CTNNA3: variants seen among roughly 807,000 people sequenced by gnomAD.
The protein encoded by CTNNA3 is catenin alpha-3.
CTNNA3 carries 76 observed loss-of-function variants against 95.7 expected under a neutral mutation model. The ratio of observed to expected loss-of-function variants is 0.79; its 90% CI spans 0.66 to 0.96. CTNNA3 has a LOEUF of 0.96. Ranked by LOEUF, CTNNA3 falls within the 40% of genes least tolerant of loss-of-function variation. The pLI is 0.00. For synonymous variants in CTNNA3, 431 were observed against 374.4 expected (o/e 1.15, Z -1.74); for missense variants, 1,191 against 1,089.8 (o/e 1.09, Z -1.31).
At chr10:67,308,999 G>T (rs1366606753) in intron 5 of CTNNA3, among the ~76,000 whole-genome samples, 1 of 152,000 alleles carries the variant, frequency 6.6e-6, no homozygotes, top group African/African-American at 2.4e-5. Context: ...TCTTTGAAAG[G>T]TGCTCATATA....
chr10:67,373,628 T>C (rs548446568), intron 5 of CTNNA3, among the ~76,000 whole-genome samples: 1 of 152,200 alleles, frequency 6.6e-6, no homozygotes, highest in Non-Finnish European at 1.5e-5. Context: ...AGATCTCCAC[T>C]TGTTAAGTGA....
intron 5 of CTNNA3, among the ~76,000 whole-genome samples, chr10:67,387,761 T>A (rs1305830894): frequency 6.6e-6 from 1 of 152,188 alleles, no homozygotes; most frequent in Non-Finnish European, 1.5e-5. Flanking sequence ...CCCTGACCTC[T>A]GAGCAGCCTA....
intron 7 of CTNNA3, among the ~76,000 whole-genome samples, chr10:66,904,169 C>T (rs1327826197): frequency 1.3e-5 from 2 of 152,140 alleles, no homozygotes; most frequent in African/African-American, 2.4e-5. Flanking sequence ...GGTACCAAAA[C>T]AGATATATAG....
chr10:66,774,317 T>C (rs1431985724), intron 8 of CTNNA3, among the ~76,000 whole-genome samples: 8 of 152,128 alleles, frequency 5.3e-5, no homozygotes, highest in African/African-American at 9.7e-5. Context: ...GATATAAATT[T>C]CTGAGTCCTG....
At chr10:66,716,876 G>T (rs920714689) in intron 9 of CTNNA3, among the ~76,000 whole-genome samples, 1 of 152,146 alleles carries the variant, frequency 6.6e-6, no homozygotes, top group South Asian at 2.1e-4. Flanking sequence ...TTGGTGCCTA[G>T]CTATCTGGTC....
intron 5 of CTNNA3, among the ~76,000 whole-genome samples, chr10:67,344,640 T>C (rs1842345535): frequency 6.6e-6 from 1 of 152,136 alleles, no homozygotes; most frequent in Admixed American, 6.5e-5. Context: ...AGCTTATAGT[T>C]GCTCATAGTA....
At chr10:66,747,678 A>G (rs1838941721) in intron 9 of CTNNA3, among the ~76,000 whole-genome samples, 1 of 152,140 alleles carries the variant, frequency 6.6e-6, no homozygotes, top group Non-Finnish European at 1.5e-5. Context: ...TGGTTTTCAT[A>G]TACTGGGGGA....
intron 10 of CTNNA3, among the ~76,000 whole-genome samples, chr10:66,610,335 A>T (rs1454447130): frequency 6.6e-6 from 1 of 152,124 alleles, no homozygotes; most frequent in Non-Finnish European, 1.5e-5. Flanking sequence ...TGAACTTAAA[A>T]GTTTTTTTAA....
chr10:66,360,828 T>C (rs995461297), intron 12 of CTNNA3, among the ~76,000 whole-genome samples: 1,759 of 80,270 alleles, frequency 0.022, 169 homozygotes, highest in African/African-American at 0.11. Context: ...TTTCTTTCTT[T>C]CTTTCTTTCT....
chr10:66,384,351 G>T (rs1346340293), intron 11 of CTNNA3, among the ~76,000 whole-genome samples: 1 of 152,030 alleles, frequency 6.6e-6, no homozygotes, highest in Non-Finnish European at 1.5e-5. Context: ...AGATAAAGAA[G>T]GCCATTACAT....
At chr10:66,651,149 CAA>C (rs1227755358) in intron 9 of CTNNA3, among the ~76,000 whole-genome samples, 2 of 152,092 alleles carry the variant, frequency 1.3e-5, no homozygotes, top group Non-Finnish European at 2.9e-5. Context: ...GTGAGCTAGA[CAA>C]AGAGTGCTGA....
At chr10:67,183,378 T>C (rs901652377) in intron 6 of CTNNA3, among the ~76,000 whole-genome samples, 2 of 152,174 alleles carry the variant, frequency 1.3e-5, no homozygotes, top group African/African-American at 4.8e-5. Context: ...GATGAGTTCA[T>C]GTCCTTTGTA....
chr10:67,212,436 C>T (rs1002631506), intron 6 of CTNNA3, among the ~76,000 whole-genome samples: 3 of 151,866 alleles, frequency 2.0e-5, no homozygotes, highest in African/African-American at 7.2e-5. Context: ...AATTCTTATA[C>T]GGCTTGCTCT....
intron 5 of CTNNA3, among the ~76,000 whole-genome samples, chr10:67,397,217 C>T (rs1393050857): frequency 2.0e-5 from 3 of 152,104 alleles, no homozygotes; most frequent in Non-Finnish European, 4.4e-5. Flanking sequence ...ACTAGGAGAG[C>T]TCAGAAGACA....
chr10:66,396,918 T>C (rs1188224433), intron 11 of CTNNA3, among the ~76,000 whole-genome samples: 1 of 151,830 alleles, frequency 6.6e-6, no homozygotes, highest in Non-Finnish European at 1.5e-5. Context: ...TTTAATAGAA[T>C]ATAACAAACC....
At chr10:66,260,556 C>T (rs778744556) in intron 13 of CTNNA3, among the ~76,000 whole-genome samples, 17 of 152,076 alleles carry the variant, frequency 1.1e-4, no homozygotes, top group African/African-American at 3.6e-4. Flanking sequence ...TTTCAGTAAA[C>T]CTTCAGAGGA....
chr10:66,408,992 C>G (rs2093078919), intron 11 of CTNNA3, among the ~76,000 whole-genome samples: 3 of 152,070 alleles, frequency 2.0e-5, no homozygotes, highest in Admixed American at 2.0e-4. Flanking sequence ...TACTTTTTTG[C>G]TAATAGGTAC....
At chr10:66,203,499 A>G (rs1347236895) in intron 13 of CTNNA3, among the ~76,000 whole-genome samples, 1 of 152,094 alleles carries the variant, frequency 6.6e-6, no homozygotes, top group Non-Finnish European at 1.5e-5. Context: ...CAGAGGAGTA[A>G]TTATGGAAAT....
intron 5 of CTNNA3, among the ~76,000 whole-genome samples, chr10:67,302,006 A>C (rs561074772): frequency 3.8e-4 from 5 of 13,218 alleles, no homozygotes; most frequent in East Asian, 2.2e-3. Flanking sequence ...AAAGAACGAA[A>C]GAAAGAAAGA....
Sources: allele counts gnomAD v4.1 joint callset (sites outside exome capture counted in the v4.1 genomes callset), GRCh38; gene constraint gnomAD v4.1.1; transcripts MANE v1.5; gene names NCBI Gene and HGNC (gene_info 2026-07-23, HGNC 2026-07-21).